TMPRSS15: variants seen among roughly 807,000 people sequenced by gnomAD.
The protein encoded by TMPRSS15 is transmembrane serine protease 15.
A neutral mutation model predicts 125.3 loss-of-function variants in TMPRSS15; 128 were observed. That is an observed-to-expected ratio of 1.02 (90% CI 0.89 to 1.18). The LOEUF is 1.18. TMPRSS15 is among the 50% of genes most tolerant of loss of function. The pLI, the probability that TMPRSS15 is intolerant of heterozygous loss-of-function variation, is 0.00. For missense variants in TMPRSS15, 1,283 were observed against 1,212.7 expected (o/e 1.06, Z -0.86); for synonymous variants, 446 against 423.2 (o/e 1.05, Z -0.66).
intron 1 of TMPRSS15, among the ~76,000 whole-genome samples, chr21:18,432,412 C>A (rs13049724): frequency 0.31 from 46,877 of 152,024 alleles, 9,133 homozygotes; most frequent in Middle Eastern, 0.46. Flanking sequence ...ATGTTGAAGT[C>A]CTAAATCTCA....
chr21:18,294,139 A>G, intron 21 of TMPRSS15, 131 bp downstream of exon 21: 1 of 1,048,910 alleles, frequency 9.5e-7, no homozygotes, highest in Non-Finnish European at 1.4e-6. Flanking sequence ...AAATAATTGG[A>G]ATGTTTATAA....
chr21:18,459,585 G>A (rs1240528580), intron 1 of TMPRSS15, among the ~76,000 whole-genome samples: 1 of 152,092 alleles, frequency 6.6e-6, no homozygotes, highest in Non-Finnish European at 1.5e-5. Flanking sequence ...AATATCTCAT[G>A]TCCTGGTTAC....
At chr21:18,348,929 T>C (rs1016576252) in intron 10 of TMPRSS15, among the ~76,000 whole-genome samples, 1 of 152,226 alleles carries the variant, frequency 6.6e-6, no homozygotes, top group Non-Finnish European at 1.5e-5. Context: ...GTTTATTACA[T>C]GCCTTTAATG....
rs150944789 is a variant in TMPRSS15, at chr21:18,320,306, T to C, written c.1922-5050A>G. Among the ~76,000 whole-genome samples, 998 of 152,246 alleles carry C rather than the reference T, an allele frequency of 6.6e-3. 6 individuals are homozygous for C. Among genetic ancestry groups the C allele is most frequent in the African/African-American group, 0.012 (501 of 41,568 alleles). On this transcript the variant is annotated intron_variant, in intron 16 of 24. Transcript: ENST00000284885. ...AATTACATGTCCATGATCAATTATA[T>C]TGATATACTTACAGAATGTTAGTCA...
intron 1 of TMPRSS15, among the ~76,000 whole-genome samples, chr21:18,437,395 C>T (rs1395440440): frequency 6.6e-6 from 1 of 152,050 alleles, no homozygotes. Context: ...TAGGCATTAC[C>T]ATTCAGGACA....
chr21:18,320,193 T>C (rs755206551), intron 16 of TMPRSS15, among the ~76,000 whole-genome samples: 43 of 152,248 alleles, frequency 2.8e-4, no homozygotes, highest in Middle Eastern at 3.4e-3. Flanking sequence ...AAATTGGAAG[T>C]CTTAAATGTA....
chr21:18,424,719 G>A (rs1044997287), intron 1 of TMPRSS15, among the ~76,000 whole-genome samples: 2 of 151,992 alleles, frequency 1.3e-5, no homozygotes, highest in African/African-American at 2.4e-5. Flanking sequence ...AAAAAGTTAT[G>A]AGCCATAAAG....
At chr21:18,278,735 C>T (rs1467190481) in intron 23 of TMPRSS15, among the ~76,000 whole-genome samples, 1 of 152,006 alleles carries the variant, frequency 6.6e-6, no homozygotes, top group African/African-American at 2.4e-5. Context: ...AACAAACAAA[C>T]AAAATCCTAC....
intron 1 of TMPRSS15, among the ~76,000 whole-genome samples, chr21:18,428,007 G>T (rs558731644): frequency 1.3e-5 from 2 of 152,196 alleles, no homozygotes; most frequent in African/African-American, 4.8e-5. Context: ...CAGCAATAGA[G>T]ATGTTTTTAA....
chr21:18,472,908 A>G (rs1315782989), intron 1 of TMPRSS15, among the ~76,000 whole-genome samples: 2 of 152,126 alleles, frequency 1.3e-5, no homozygotes, highest in South Asian at 2.1e-4. Flanking sequence ...AATAGCACGT[A>G]AGATTGATAA....
chr21:18,315,032 T>A (rs1025085042), intron 17 of TMPRSS15, 114 bp downstream of exon 17: 1 of 842,924 alleles, frequency 1.2e-6, no homozygotes, highest in African/African-American at 1.7e-5. Flanking sequence ...ATGTTCTCGT[T>A]CCAAAGCATC....
At chr21:18,430,446 G>A (rs1221470048) in intron 1 of TMPRSS15, among the ~76,000 whole-genome samples, 1 of 152,058 alleles carries the variant, frequency 6.6e-6, no homozygotes, top group African/African-American at 2.4e-5. Flanking sequence ...CACCTAGAAT[G>A]AAGCTTCAAT....
chr21:18,349,113 C>G (rs1253791268), intron 10 of TMPRSS15, among the ~76,000 whole-genome samples: 1 of 152,168 alleles, frequency 6.6e-6, no homozygotes, highest in Non-Finnish European at 1.5e-5. Flanking sequence ...GTATTACAAA[C>G]AATTGCAATT....
At chr21:18,433,018 C>CA (rs1424234914) in intron 1 of TMPRSS15, among the ~76,000 whole-genome samples, 1 of 151,952 alleles carries the variant, frequency 6.6e-6, no homozygotes, top group African/African-American at 2.4e-5. Flanking sequence ...TGTATCATGG[C>CA]AAAAAATTGA....
intron 7 of TMPRSS15, among the ~76,000 whole-genome samples, chr21:18,364,715 T>C (rs1332064221): frequency 1.3e-5 from 2 of 152,210 alleles, no homozygotes; most frequent in African/African-American, 4.8e-5. Context: ...TGTTCCCTGC[T>C]CTTAATCTGC....
chr21:18,387,775 C>A (rs1028613879), intron 3 of TMPRSS15, among the ~76,000 whole-genome samples: 1 of 151,956 alleles, frequency 6.6e-6, no homozygotes, highest in Non-Finnish European at 1.5e-5. Context: ...TGATCATATA[C>A]ACATACATGG....
At chr21:18,461,487 T>C (rs1978549830) in intron 1 of TMPRSS15, among the ~76,000 whole-genome samples, 1 of 152,066 alleles carries the variant, frequency 6.6e-6, no homozygotes, top group Admixed American at 6.6e-5. Context: ...AAAAAATAAA[T>C]GCACTGTATG....
chr21:18,341,544 G>A lies in TMPRSS15; in HGVS notation c.1433C>T (p.Ala478Val). 6.2e-7 allele frequency: 1 copy of A among 1,613,950 alleles called. No individual in the cohort carries two copies. The highest frequency in any genetic ancestry group is 1.1e-5 in the South Asian group (1 of 91,080). ...GATCTTGTTTTTAAAAGCATTAAAA[G>A]CAACCTGCAATTCAGAGAGGCATAT... ...TLNETVKFKV[A>V]FNAFKNKILS... Residue 478 changes from alanine to valine, a missense_variant, in exon 13 of 25, where the codon GCT becomes GTT. Physicochemically the swap from Ala to Val is moderately conservative, Grantham distance 64. Coordinates refer to ENST00000284885, the MANE Select transcript of TMPRSS15 (RefSeq NM_002772.3).
rs538961947 is a variant in TMPRSS15 at position 18,482,750 on chromosome 21, C to T, written c.10+3049G>A. On this transcript the variant is annotated intron_variant, in intron 1 of 7. Transcript: ENST00000422787. ...TGAAGCTTATTTAAATTGTCTGTGCCTTGGTGTGCTTTTTTCCTTATATTA... is the reference window on the plus strand; with the variant it reads ...TGAAGCTTATTTAAATTGTCTGTGCTTTGGTGTGCTTTTTTCCTTATATTA... 1.4e-4 allele frequency among the ~76,000 whole-genome samples: 21 copies of T among 151,442 alleles called. 1 individual carries two copies. In the South Asian group the frequency reaches 4.2e-3, roughly 30 times the overall value.
Sources: allele counts gnomAD v4.1 joint callset (sites outside exome capture counted in the v4.1 genomes callset), GRCh38; gene constraint gnomAD v4.1.1; transcripts MANE v1.5; gene names NCBI Gene and HGNC (gene_info 2026-07-23, HGNC 2026-07-21).